The following TNFRSF8 variants were observed in gnomAD, a reference collection of about 807,000 sequenced individuals.
TNFRSF8 encodes the protein tumor necrosis factor receptor superfamily member 8.
In TNFRSF8, 26 loss-of-function variants were observed where a neutral mutation model predicts 70.8. The ratio of observed to expected loss-of-function variants is 0.37; its 90% CI spans 0.27 to 0.51. The LOEUF (loss-of-function observed/expected upper bound fraction) is 0.51, where lower values mean the gene tolerates loss of function less well. Among genes scored for constraint, TNFRSF8 ranks in the 20% least tolerant of loss-of-function variants. The pLI, the probability that TNFRSF8 is intolerant of heterozygous loss-of-function variation, is 0.94. For synonymous variants in TNFRSF8, 356 were observed against 339.2 expected (o/e 1.05, Z -0.54); for missense variants, 720 against 807.9 (o/e 0.89, Z 1.32).
At chr1:12,075,089 C>T (rs1296309323) in intron 1 of TNFRSF8, among the ~76,000 whole-genome samples, 1 of 151,894 alleles carries the variant, frequency 6.6e-6, no homozygotes, top group Non-Finnish European at 1.5e-5. Context: ...ACTAAAAATA[C>T]AAAGCTTAGC....
intron 14 of TNFRSF8, among the ~76,000 whole-genome samples, chr1:12,140,717 C>A (rs1408665541): frequency 6.6e-6 from 1 of 152,212 alleles, no homozygotes; most frequent in African/African-American, 2.4e-5. Flanking sequence ...CTGGGGACTC[C>A]TGCCCATTTC....
intron 12 of TNFRSF8, among the ~76,000 whole-genome samples, chr1:12,130,535 G>A (rs1642028803): frequency 6.6e-6 from 1 of 152,214 alleles, no homozygotes; most frequent in Non-Finnish European, 1.5e-5. Flanking sequence ...GAACCTCTGT[G>A]CCAAATTCCC....
intron 2 of TNFRSF8, 63 bp downstream of exon 2, chr1:12,084,614 T>TG: frequency 1.4e-6 from 2 of 1,454,062 alleles, no homozygotes; most frequent in African/African-American, 1.4e-5. Flanking sequence ...ATGACCCTCT[T>TG]GGGGGATTGA....
intron 1 of TNFRSF8, among the ~76,000 whole-genome samples, chr1:12,082,560 A>AC (rs1641084011): frequency 6.6e-6 from 1 of 150,720 alleles, no homozygotes; most frequent in South Asian, 2.1e-4. Context: ...AAAAAAAAAA[A>AC]AAACAAAAAC....
At chr1:12,083,761 T>C (rs574050715) in intron 1 of TNFRSF8, among the ~76,000 whole-genome samples, 3 of 152,320 alleles carry the variant, frequency 2.0e-5, no homozygotes, top group South Asian at 4.1e-4. Flanking sequence ...TGCAAAGCAA[T>C]GGACAGAAAT....
intron 1 of TNFRSF8, among the ~76,000 whole-genome samples, chr1:12,079,434 C>T (rs1025168228): frequency 6.6e-6 from 1 of 152,160 alleles, no homozygotes; most frequent in African/African-American, 2.4e-5. Context: ...TCCTTCCCTC[C>T]CAGGCAAGGG....
intron 14 of TNFRSF8, among the ~76,000 whole-genome samples, chr1:12,139,564 T>A (rs1014446103): frequency 6.6e-6 from 1 of 152,162 alleles, no homozygotes; most frequent in Non-Finnish European, 1.5e-5. Context: ...ATAGCCTTCC[T>A]CCACCTCCAC....
rs1256019842 is a variant in TNFRSF8 at position 12,113,673 on chromosome 1, GAGAC to G, written c.793+1663_793+1666del. ...AGAGACGGAGTGAGCGAGAGAGAGA[GAGAC>G]AGAAAGACAGAAAGAGAGACTGAGA... On this transcript the variant is annotated intron_variant, in intron 7 of 14. Transcript: ENST00000263932. The surrounding 1 kb of genome is among the most constrained non-coding windows in gnomAD (Gnocchi z 4.9). 7.1e-5 allele frequency among the ~76,000 whole-genome samples: 10 copies of G among 141,604 alleles called. No homozygotes were observed. The East Asian group carries it at 7.3e-4, about 10-fold the overall frequency. The allele number at this position is 141,604 out of a possible 152,430, so 92.9% of individuals were successfully genotyped here. A position where few individuals can be genotyped will look rare whatever the true frequency, so the allele number is the denominator to read the frequency against.
rs199941905 is a variant in TNFRSF8 at position 12,108,074 on chromosome 1, A to ATT, written c.422-1486_422-1485dup. 9.2e-3 allele frequency among the ~76,000 whole-genome samples: 1,342 copies of ATT among 145,880 alleles called. 35 individuals are homozygous for ATT. The highest frequency in any genetic ancestry group is 0.032 in the African/African-American group (1,250 of 39,466). On this transcript the variant is annotated intron_variant, in intron 4 of 14. Transcript: ENST00000263932. The surrounding 1 kb of genome is among the most constrained non-coding windows in gnomAD (Gnocchi z 4.0). ...CGAAGTCCCACACATACAGGCCACC[A>ATT]TTTTTTTATTTTTTTTTTTTTTGTG...
intron 2 of TNFRSF8, among the ~76,000 whole-genome samples, chr1:12,095,743 A>AC: frequency 6.6e-6 from 1 of 152,066 alleles, no homozygotes; most frequent in Non-Finnish European, 1.5e-5. Context: ...AATATTGGGA[A>AC]CCCCCTGGTC....
intron 2 of TNFRSF8, among the ~76,000 whole-genome samples, chr1:12,094,703 G>A (rs1203922140): frequency 1.4e-5 from 2 of 144,496 alleles, no homozygotes; most frequent in Non-Finnish European, 3.0e-5. Context: ...TCGGCTCACT[G>A]CAACCTCCGC....
chr1:12,087,161 CTCTCTTTTTT>C (rs1641168338), intron 2 of TNFRSF8, among the ~76,000 whole-genome samples: 1 of 131,258 alleles, frequency 7.6e-6, no homozygotes, highest in African/African-American at 2.9e-5. Context: ...TTCTCTCTCT[CTCTCTTTTTT>C]TTTTTTTTTT....
At position 12,109,793 on chromosome 1, in the gene TNFRSF8, G is replaced by A. The variant is rs1452724657; in HGVS notation, c.512+137G>A. ...CAGCCCATGGTGTCAGCACTTTGGG[G>A]TGCCTCTCTGCCAAGCCCCTCAGAT... On this transcript the variant is annotated intron_variant, in intron 5 of 14. Coordinates refer to ENST00000263932, the MANE Select transcript of TNFRSF8 (RefSeq NM_001243.5). This position sits in a 1 kb window ranked among gnomAD's most constrained non-coding sequence, Gnocchi z 4.4. 2 of 845,148 alleles carry A rather than the reference G, an allele frequency of 2.4e-6. No individual in the cohort carries two copies. Among genetic ancestry groups the A allele is most frequent in the African/African-American group, 1.7e-5 (1 of 59,362 alleles). 52.4% of individuals were successfully genotyped at this position (845,148 alleles called of 1,614,324 possible).
chr1:12,112,022 C>T lies in TNFRSF8; in HGVS notation c.793+8C>T. 1 of 1,606,346 alleles carries T rather than the reference C, an allele frequency of 6.2e-7. No individual in the cohort carries two copies. The highest frequency in any genetic ancestry group is 8.5e-7 in the Non-Finnish European group (1 of 1,173,624). The stretch of plus-strand genomic sequence containing the variant: ...GCGTGAGCTGTTCTCGAGGTAAGGG[C>T]CTCGTCCCTCCCCGGGCCTCAGTTT... On this transcript the variant is annotated splice_region_variant and intron_variant, in intron 7 of 14. Transcript: ENST00000263932. The surrounding 1 kb of genome is among the most constrained non-coding windows in gnomAD (Gnocchi z 5.3).
intron 12 of TNFRSF8, among the ~76,000 whole-genome samples, chr1:12,135,086 C>T (rs903334273): frequency 4.6e-5 from 7 of 151,900 alleles, no homozygotes; most frequent in South Asian, 2.1e-4. Flanking sequence ...AAGGCCAAGG[C>T]GGGCAGGTCA....
chr1:12,078,549 G>A (rs1353691305), intron 1 of TNFRSF8, among the ~76,000 whole-genome samples: 1 of 152,180 alleles, frequency 6.6e-6, no homozygotes, highest in African/African-American at 2.4e-5. Context: ...GGGCGACGGA[G>A]CGAGTACTCT....
rs1642193928 is a variant in TNFRSF8, at chr1:12,138,495, CG to C, written c.1543+63del. 4.0e-6 allele frequency: 6 copies of C among 1,510,130 alleles called. No individual in the cohort carries two copies. Among genetic ancestry groups the C allele is most frequent in the Non-Finnish European group, 5.4e-6 (6 of 1,115,312 alleles). 93.5% of individuals were successfully genotyped at this position (1,510,130 alleles called of 1,614,324 possible). A position where few individuals can be genotyped will look rare whatever the true frequency, so the allele number is the denominator to read the frequency against. On this transcript the variant is annotated intron_variant, in intron 14 of 14. Transcript: ENST00000263932. This position sits in a 1 kb window ranked among gnomAD's most constrained non-coding sequence, Gnocchi z 5.7. ...CCCAGGGGCAGATGGGAGATGAATA[CG>C]GGGCCCTGGGCCCTGGAAGGGACCT...
chr1:12,088,868 C>G lies in TNFRSF8; in HGVS notation c.151+4317C>G, dbSNP rs1188683802. On this transcript the variant is annotated intron_variant, in intron 2 of 14. Transcript: ENST00000263932. This position sits in a 1 kb window ranked among gnomAD's most constrained non-coding sequence, Gnocchi z 4.0. The stretch of plus-strand genomic sequence containing the variant: ...GCCCATTTGGCATGACAGCTGCTGC[C>G]CCTGCCGCCTCCCCCTCCCCCGCCC... Among the ~76,000 whole-genome samples, 1 of 152,198 alleles carries G rather than the reference C, an allele frequency of 6.6e-6. No homozygotes were observed. The highest frequency in any genetic ancestry group is 1.9e-4 in the East Asian group (1 of 5,194).
intron 2 of TNFRSF8, among the ~76,000 whole-genome samples, chr1:12,087,169 T>C (rs1641169823): frequency 7.3e-6 from 1 of 136,544 alleles, no homozygotes; most frequent in Middle Eastern, 3.6e-3. Flanking sequence ...CTCTCTCTTT[T>C]TTTTTTTTTT....
Sources: allele counts gnomAD v4.1 joint callset (sites outside exome capture counted in the v4.1 genomes callset), GRCh38; gene constraint gnomAD v4.1.1; non-coding constraint Gnocchi (gnomAD v3.1); transcripts MANE v1.5; gene names NCBI Gene and HGNC (gene_info 2026-07-23, HGNC 2026-07-21).